TFEB: variants seen among roughly 807,000 people sequenced by gnomAD.
The protein encoded by TFEB is T-cell transcription factor EB.
A neutral mutation model predicts 48.0 loss-of-function variants in TFEB; 12 were observed. The observed-to-expected ratio is 0.25, with a 90% CI of 0.16 to 0.40. TFEB has a LOEUF of 0.40. TFEB is among the 10% of genes least tolerant of loss of function. The probability of loss-of-function intolerance (pLI) is 1.00; values close to 1 mark genes in which losing one functional copy is unlikely to be tolerated. For synonymous variants in TFEB, 244 were observed against 261.4 expected (o/e 0.93, Z 0.64); for missense variants, 509 against 640.3 (o/e 0.79, Z 2.21).
At chr6:41,735,265 C>A in intron 1 of TFEB, 85 bp downstream of exon 1, 2 of 976,954 alleles carry the variant, frequency 2.0e-6, no homozygotes, top group Non-Finnish European at 2.4e-6. Flanking sequence ...CCACCTGTCT[C>A]CGGGACCCAC....
Position 41,689,713 on chromosome 6 carries a change from C to T in TFEB, c.549+18G>A, listed in dbSNP as rs1474242394. 1.2e-6 allele frequency: 2 copies of T among 1,611,608 alleles called. No individual in the cohort carries two copies. The highest frequency in any genetic ancestry group is 2.7e-5 in the African/African-American group (2 of 74,996). ...CCCTAGAACCCTTGCACACCCACCC[C>T]ACCCTAGCCAGGAGTACCGTGTTGG... On this transcript the variant is annotated intron_variant, in intron 4 of 8. Transcript: ENST00000373033.
rs1489985129 is a variant in TFEB, at chr6:41,684,561, A to G, written c.*38T>C. On this transcript the variant is annotated 3_prime_UTR_variant, in exon 9 of 9. Transcript: ENST00000373033. ...GGTGCCCCTGGCCCTCCCAGCCCCC[A>G]GGCCGGCCCCTGTTCCCTGGCACAG... is the stretch of plus-strand genomic sequence containing the variant. The G allele has an allele frequency of 6.6e-7, 1 of 1,506,286 alleles. No homozygotes were observed. Among genetic ancestry groups the G allele is most frequent in the South Asian group, 1.4e-5 (1 of 74,020 alleles). 93.3% of individuals were successfully genotyped at this position (1,506,286 alleles called of 1,614,324 possible).
At chr6:41,706,638 C>T (rs113089022) in intron 1 of TFEB, among the ~76,000 whole-genome samples, 23 of 152,202 alleles carry the variant, frequency 1.5e-4, no homozygotes, top group African/African-American at 2.6e-4. Flanking sequence ...TGTCCATGTG[C>T]GCTCCGGCTG....
chr6:41,713,131 C>T (rs899811830), intron 1 of TFEB, among the ~76,000 whole-genome samples: 1 of 151,972 alleles, frequency 6.6e-6, no homozygotes, highest in Admixed American at 6.5e-5. Context: ...GGCCTCAGTC[C>T]TCCCTCCCCA....
At chr6:41,727,706 A>C (rs1161511719) in intron 1 of TFEB, among the ~76,000 whole-genome samples, 1 of 152,196 alleles carries the variant, frequency 6.6e-6, no homozygotes, top group Non-Finnish European at 1.5e-5. Flanking sequence ...CAAACAAAAA[A>C]GAAGGTTCTG....
rs1242401930 is a variant in TFEB, at chr6:41,684,896, T to G, written c.1134A>C (p.Gln378His). The change falls in exon 9 of 9, where the codon CAA (glutamine) becomes CAC (histidine). Residue 378 changes from glutamine to histidine, a missense_variant. Physicochemically the swap from Gln to His is conservative, Grantham distance 24 (BLOSUM62 0). Coordinates refer to ENST00000373033, the MANE Select transcript of TFEB (RefSeq NM_001271944.2). The stretch of plus-strand genomic sequence containing the variant: ...GCTGGGTGGGCAGGGGCAGCGGGGC[T>G]TGCGGGGGCAGAGCTGGCAGTGGCT... ...DPEPLPALPP[Q>H]APLPLPTQPP... 6.4e-7 allele frequency: 1 copy of G among 1,569,774 alleles called. No homozygotes were observed. The highest frequency in any genetic ancestry group is 1.8e-5 in the Admixed American group (1 of 55,494).
At chr6:41,685,939 A>G (rs1768974748) in intron 8 of TFEB, 151 bp downstream of exon 8, 1 of 1,060,380 alleles carries the variant, frequency 9.4e-7, no homozygotes, top group South Asian at 1.6e-5. Flanking sequence ...ATTGTTTGTT[A>G]CCAAAGCAAA....
chr6:41,720,100 G>A lies in TFEB; in HGVS notation c.-23+15250C>T, dbSNP rs1293406242. ...CCTGAGCCTCTGGGCTCTGTGCTCA[G>A]TGGGTTGGAAGCCACCCACAGCCTC... On this transcript the variant is annotated intron_variant, in intron 1 of 8. Transcript: ENST00000373033. This position sits in a 1 kb window ranked among gnomAD's most constrained non-coding sequence, Gnocchi z 4.1. 1.3e-5 allele frequency among the ~76,000 whole-genome samples: 2 copies of A among 152,226 alleles called. No individual in the cohort carries two copies. The highest frequency in any genetic ancestry group is 4.8e-5 in the African/African-American group (2 of 41,452).
At chr6:41,692,392 T>C (rs1769361799) in intron 1 of TFEB, among the ~76,000 whole-genome samples, 1 of 152,056 alleles carries the variant, frequency 6.6e-6, no homozygotes, top group South Asian at 2.1e-4. Context: ...GAGCCTACAG[T>C]GTAATAAAGA....
chr6:41,687,195 G>A (rs2127446207), intron 6 of TFEB, 26 bp from the exon 7 acceptor site: 1 of 1,612,374 alleles, frequency 6.2e-7, no homozygotes, highest in African/African-American at 1.3e-5. Context: ...TCCAGAAGGA[G>A]CAATTAGAGG....
At chr6:41,693,382 T>C (rs1769408229) in intron 1 of TFEB, among the ~76,000 whole-genome samples, 1 of 152,204 alleles carries the variant, frequency 6.6e-6, no homozygotes, top group Non-Finnish European at 1.5e-5. Flanking sequence ...CATATTACTC[T>C]CCTTTTATAG....
intron 1 of TFEB, among the ~76,000 whole-genome samples, chr6:41,718,361 A>G (rs1770827797): frequency 6.6e-6 from 1 of 151,876 alleles, no homozygotes; most frequent in Non-Finnish European, 1.5e-5. Context: ...GGCATGCATC[A>G]TCACACCCGG....
rs1461547993 is a variant in TFEB at position 41,687,776 on chromosome 6, T to C, written c.704A>G (p.Gln235Arg). 1 of 1,614,122 alleles carries C rather than the reference T, an allele frequency of 6.2e-7. No homozygotes were observed. Among genetic ancestry groups the C allele is most frequent in the South Asian group, 1.1e-5 (1 of 91,066 alleles). Residue 235 changes from glutamine to arginine, a missense_variant, in exon 6 of 9, where the codon CAG (glutamine) becomes CGG (arginine). Coordinates refer to ENST00000373033, the MANE Select transcript of TFEB (RefSeq NM_001271944.2). ...AESRALAKER[Q>R]KKDNHNLIER... ...ACTTAAGTTGTGATTGTCTTTCTTC[T>C]GCCGCTCCTTGGCCAGGGCCCTGCT...
At chr6:41,694,266 C>A (rs1769464704) in intron 1 of TFEB, among the ~76,000 whole-genome samples, 1 of 152,190 alleles carries the variant, frequency 6.6e-6, no homozygotes, top group Non-Finnish European at 1.5e-5. Flanking sequence ...CCCTGCCCCA[C>A]CGCCCCCTGC....
chr6:41,715,107 C>A (rs1770677443), intron 1 of TFEB, among the ~76,000 whole-genome samples: 1 of 152,182 alleles, frequency 6.6e-6, no homozygotes, highest in Non-Finnish European at 1.5e-5. Context: ...GGCCTCCAAC[C>A]AGGGCCTCCC....
intron 6 of TFEB, 77 bp from the exon 7 acceptor site, chr6:41,687,246 A>T: frequency 7.0e-7 from 1 of 1,435,912 alleles, no homozygotes; most frequent in Non-Finnish European, 9.8e-7. Context: ...TACCCAGCCC[A>T]GGGAGGGGTG....
In TFEB at chr6:41,720,374, G is replaced by T. The variant is rs960557296; in HGVS notation, c.-23+14976C>A. On this transcript the variant is annotated intron_variant, in intron 1 of 8. Transcript: ENST00000373033. This position sits in a 1 kb window ranked among gnomAD's most constrained non-coding sequence, Gnocchi z 4.1. ...TCCTCCCACTGCCCTAGGTCACAGGGTAGGGAGGCCAGGGGCTCTCCAGAC... is the reference window on the plus strand; with the variant it reads ...TCCTCCCACTGCCCTAGGTCACAGGTTAGGGAGGCCAGGGGCTCTCCAGAC... The T allele has an allele frequency of 6.6e-6, 1 of 152,260 alleles. No homozygotes were observed. The highest frequency in any genetic ancestry group is 1.5e-5 in the Non-Finnish European group (1 of 68,104). 9.4% of individuals were successfully genotyped at this position (152,260 alleles called of 1,614,324 possible). A position where few individuals can be genotyped will look rare whatever the true frequency, so the allele number is the denominator to read the frequency against.
chr6:41,722,231 C>T (rs187673038), intron 1 of TFEB, among the ~76,000 whole-genome samples: 4 of 152,206 alleles, frequency 2.6e-5, no homozygotes, highest in Non-Finnish European at 5.9e-5. Context: ...CCGCCCACCT[C>T]GGCCTCCCAA....
At chr6:41,700,922 C>T (rs1326941357) in intron 1 of TFEB, among the ~76,000 whole-genome samples, 1 of 152,232 alleles carries the variant, frequency 6.6e-6, no homozygotes, top group Admixed American at 6.5e-5. Context: ...GGGAGTCGCC[C>T]TGTCCTGTCC....
Sources: gnomAD v4.1 joint callset for allele counts (sites outside exome capture counted in the v4.1 genomes callset) on GRCh38, gnomAD v4.1.1 for gene constraint, Gnocchi (gnomAD v3.1) non-coding constraint, MANE v1.5 for transcripts, NCBI Gene and HGNC (gene_info 2026-07-23, HGNC 2026-07-21) for gene names.